WWOX: variants seen among roughly 807,000 people sequenced by gnomAD.
WWOX encodes WW domain-containing oxidoreductase.
WWOX carries 69 observed loss-of-function variants against 46.2 expected under a neutral mutation model. The observed-to-expected ratio is 1.49, with a 90% confidence interval of 1.23 to 1.82. The LOEUF is 1.82. WWOX is among the 40% of genes most tolerant of loss of function. The pLI is 0.00. For missense variants in WWOX, 919 were observed against 542.6 expected (o/e 1.69, Z -6.89); for synonymous variants, 359 against 202.6 (o/e 1.77, Z -6.56).
chr16:79,020,285 G>C (rs750933687), intron 8 of WWOX, among the ~76,000 whole-genome samples: 8 of 152,222 alleles, frequency 5.3e-5, no homozygotes, highest in Non-Finnish European at 8.8e-5. Flanking sequence ...GGCAGTCATG[G>C]AAGACTTCTT....
chr16:78,882,432 G>C (rs900829775), intron 8 of WWOX, among the ~76,000 whole-genome samples: 1 of 151,066 alleles, frequency 6.6e-6, no homozygotes, highest in Admixed American at 6.6e-5. Flanking sequence ...ATCATCCTAA[G>C]CTCCACTACA....
chr16:78,153,848 T>G (rs1341084435), intron 4 of WWOX, among the ~76,000 whole-genome samples: 2 of 152,182 alleles, frequency 1.3e-5, no homozygotes, highest in Non-Finnish European at 2.9e-5. Context: ...ATTAAAAAAC[T>G]TAAACCAGAA....
intron 8 of WWOX, among the ~76,000 whole-genome samples, chr16:78,532,446 C>T (rs954198381): frequency 6.6e-6 from 1 of 152,120 alleles, no homozygotes; most frequent in East Asian, 1.9e-4. Flanking sequence ...AGCTGAAATG[C>T]ATGAACATGC....
chr16:78,648,163 A>G (rs990530560), intron 8 of WWOX, among the ~76,000 whole-genome samples: 3 of 152,172 alleles, frequency 2.0e-5, no homozygotes, highest in African/African-American at 4.8e-5. Context: ...ACCTCCCAGG[A>G]GTTGAATGAA....
intron 7 of WWOX, among the ~76,000 whole-genome samples, chr16:78,425,828 G>A (rs2083062700): frequency 6.6e-6 from 1 of 151,922 alleles, no homozygotes; most frequent in African/African-American, 2.4e-5. Flanking sequence ...TACACTCTTA[G>A]CAAAGTAGCT....
intron 8 of WWOX, among the ~76,000 whole-genome samples, chr16:78,818,916 C>G (rs1484408717): frequency 1.3e-5 from 2 of 152,208 alleles, no homozygotes; most frequent in African/African-American, 2.4e-5. Flanking sequence ...AGAGCAGAGT[C>G]AGGAAACCTA....
At chr16:79,100,089 C>T (rs1021174958) in intron 8 of WWOX, among the ~76,000 whole-genome samples, 9 of 152,146 alleles carry the variant, frequency 5.9e-5, no homozygotes, top group East Asian at 3.9e-4. Flanking sequence ...TATCTCCCTT[C>T]CTAAAAGGCA....
chr16:78,984,231 A>C (rs1360365498), intron 8 of WWOX, among the ~76,000 whole-genome samples: 1 of 152,122 alleles, frequency 6.6e-6, no homozygotes, highest in Non-Finnish European at 1.5e-5. Context: ...ACCATGTGGC[A>C]CATACCCCTG....
At chr16:78,862,226 C>G (rs1222508790) in intron 8 of WWOX, among the ~76,000 whole-genome samples, 2 of 139,266 alleles carry the variant, frequency 1.4e-5, no homozygotes, top group Non-Finnish European at 3.3e-5. Context: ...GTGTGTCTGT[C>G]TGTATCTATA....
intron 5 of WWOX, among the ~76,000 whole-genome samples, chr16:78,292,063 C>CTT (rs5818123): frequency 3.7e-5 from 5 of 136,934 alleles, no homozygotes; most frequent in Non-Finnish European, 6.3e-5. Context: ...TGATTTTTAC[C>CTT]TTTTTTTTTT....
chr16:78,676,738 G>A (rs1320325769), intron 8 of WWOX, among the ~76,000 whole-genome samples: 5 of 152,124 alleles, frequency 3.3e-5, no homozygotes, highest in Non-Finnish European at 5.9e-5. Flanking sequence ...ATTTATACTC[G>A]TTTCAGCTAA....
chr16:78,570,776 C>T (rs1007807737), intron 8 of WWOX, among the ~76,000 whole-genome samples: 3 of 152,062 alleles, frequency 2.0e-5, no homozygotes, highest in African/African-American at 4.8e-5. Flanking sequence ...ATTCCAGTGG[C>T]GATACATTTT....
intron 6 of WWOX, among the ~76,000 whole-genome samples, chr16:78,401,742 C>G (rs960263048): frequency 9.2e-5 from 14 of 152,064 alleles, no homozygotes; most frequent in Non-Finnish European, 1.9e-4. Flanking sequence ...CTCTGTCGCC[C>G]AGGCTGGAGT....
At chr16:79,199,312 C>G (rs1385342129) in intron 8 of WWOX, among the ~76,000 whole-genome samples, 2 of 152,178 alleles carry the variant, frequency 1.3e-5, no homozygotes, top group Non-Finnish European at 2.9e-5. Flanking sequence ...ATCCACCTGC[C>G]TTGGCCTCCC....
chr16:78,278,516 ACTTAT>A, intron 5 of WWOX: 1 of 1,340,986 alleles, frequency 7.5e-7, no homozygotes, highest in Non-Finnish European at 1.0e-6. Context: ...ATTAGCAAAA[ACTTAT>A]CTTTGGAATG....
intron 8 of WWOX, among the ~76,000 whole-genome samples, chr16:79,155,221 C>T (rs893743977): frequency 4.6e-5 from 7 of 152,026 alleles, no homozygotes; most frequent in African/African-American, 1.7e-4. Flanking sequence ...CCTAAAAATA[C>T]AAAAATTAGC....
intron 8 of WWOX, among the ~76,000 whole-genome samples, chr16:78,892,546 T>G (rs1048672346): frequency 1.7e-4 from 26 of 152,210 alleles, no homozygotes; most frequent in African/African-American, 6.3e-4. Flanking sequence ...ACAACATTCT[T>G]GTTCAGAGCG....
chr16:79,093,471 G>C lies in WWOX; in HGVS notation c.1057-118137G>C, dbSNP rs76194926. ...TAGAGCTTTTATTTGCCTAAAAATT[G>C]TGCTTGCAATATATATGATGATTTT... On this transcript the variant is annotated intron_variant, in intron 8 of 8. Transcript: ENST00000566780. 2.6e-5 allele frequency among the ~76,000 whole-genome samples: 4 copies of C among 152,192 alleles called. No homozygotes were observed. The East Asian group carries it at 7.7e-4, about 29-fold the overall frequency.
intron 5 of WWOX, among the ~76,000 whole-genome samples, chr16:78,190,202 C>A (rs1341164217): frequency 1.3e-5 from 2 of 152,154 alleles, no homozygotes; most frequent in African/African-American, 4.8e-5. Flanking sequence ...AGTCCCTAGC[C>A]TGTGGAGAAG....
Sources: allele counts gnomAD v4.1 joint callset (sites outside exome capture counted in the v4.1 genomes callset), GRCh38; gene constraint gnomAD v4.1.1; transcripts MANE v1.5; gene names NCBI Gene and HGNC (gene_info 2026-07-23, HGNC 2026-07-21).